Variants in MYL1 observed in about 807,000 individuals in gnomAD.
MYL1 encodes the protein myosin light chain 1/3, skeletal muscle isoform.
MYL1 carries 16 observed loss-of-function variants against 21.8 expected under a neutral mutation model. The ratio of observed to expected loss-of-function variants is 0.74; its 90% CI spans 0.50 to 1.12. MYL1 has a LOEUF of 1.12. MYL1 is among the 50% of genes most tolerant of loss of function. The pLI is 0.00. For synonymous variants in MYL1, 99 were observed against 85.2 expected (o/e 1.16, Z -0.89); for missense variants, 246 against 241.0 (o/e 1.02, Z -0.14).
rs1690112345 is a variant in MYL1, at chr2:210,293,448, C to CAAAGTTAGACAGTT, written c.556+274_556+275insAACTGTCTAACTTT. Among the ~76,000 whole-genome samples the CAAAGTTAGACAGTT allele has an allele frequency of 1.1e-4, 16 of 152,306 alleles. 1 individual carries two copies. In the South Asian group the frequency reaches 3.3e-3, roughly 32 times the overall value. Reference sequence around the variant, plus strand: ...ATTCTATTAAATTTGATTCTGACATCAGCCCTGTCTAACTCATAGGGATGT... The same window carrying CAAAGTTAGACAGTT: ...ATTCTATTAAATTTGATTCTGACATCAAAGTTAGACAGTTAGCCCTGTCTAACTCATAGGGATGT... On this transcript the variant is annotated intron_variant, in intron 5 of 6. Transcript: ENST00000352451.
At chr2:210,303,445 C>T in intron 1 of MYL1, 1 of 1,133,056 alleles carries the variant, frequency 8.8e-7, no homozygotes. Context: ...TATGTTCTCT[C>T]CTCAGTTCCA....
At chr2:210,314,011 A>G (rs1455958990) in intron 1 of MYL1, among the ~76,000 whole-genome samples, 1 of 152,128 alleles carries the variant, frequency 6.6e-6, no homozygotes, top group Non-Finnish European at 1.5e-5. Flanking sequence ...GCCAATCAGA[A>G]CTCAGTGAAT....
chr2:210,308,018 G>A (rs1320239350), intron 1 of MYL1, among the ~76,000 whole-genome samples: 1 of 151,906 alleles, frequency 6.6e-6, no homozygotes, highest in African/African-American at 2.4e-5. Context: ...GTCGAATACT[G>A]GGGGAAAATG....
In MYL1 at chr2:210,314,768, A is replaced by G. The variant is rs981117471; in HGVS notation, c.132+143T>C. Reference sequence around the variant, plus strand: ...TTATATGCTGGCATTCATTTTTTAAAGCAGGATTCTCTTCTTCATAATCTA... The same window carrying G: ...TTATATGCTGGCATTCATTTTTTAAGGCAGGATTCTCTTCTTCATAATCTA... On this transcript the variant is annotated intron_variant, in intron 1 of 6. Transcript: ENST00000352451. 4 of 934,772 alleles carry G rather than the reference A, an allele frequency of 4.3e-6. No homozygotes were observed. The African/African-American group carries it at 5.0e-5, about 12-fold the overall frequency. 57.9% of individuals were successfully genotyped at this position (934,772 alleles called of 1,614,324 possible). A position where few individuals can be genotyped will look rare whatever the true frequency, so the allele number is the denominator to read the frequency against.
intron 1 of MYL1, among the ~76,000 whole-genome samples, chr2:210,314,074 C>G (rs1005687019): frequency 3.3e-5 from 5 of 152,058 alleles, no homozygotes; most frequent in Non-Finnish European, 7.4e-5. Flanking sequence ...AACAGACGTA[C>G]CTATTTTTCC....
chr2:210,291,113 T>G, intron 5 of MYL1, 39 bp from the exon 6 acceptor site: 1 of 1,534,886 alleles, frequency 6.5e-7, no homozygotes, highest in Non-Finnish European at 9.0e-7. Flanking sequence ...AATTTAGAGT[T>G]AGGAAACAGT....
rs200963610 is a variant in MYL1, at chr2:210,314,416, A to C, written c.132+495T>G. ...TGAAGGGAGAATTAACTTGAATTGCAAAAAATCTTCTTTTTCAGAAGAAGG... is the reference window on the plus strand; with the variant it reads ...TGAAGGGAGAATTAACTTGAATTGCCAAAAATCTTCTTTTTCAGAAGAAGG... On this transcript the variant is annotated intron_variant, in intron 1 of 6. Transcript: ENST00000352451. 2.3e-4 allele frequency among the ~76,000 whole-genome samples: 35 copies of C among 152,310 alleles called. No individual in the cohort carries two copies. In the East Asian group the frequency reaches 4.3e-3, roughly 18 times the overall value.
intron 1 of MYL1, chr2:210,302,876 T>C: frequency 6.8e-7 from 1 of 1,473,118 alleles, no homozygotes; most frequent in Non-Finnish European, 9.2e-7. Flanking sequence ...CTGGTTGCTC[T>C]GAGATTTTTA....
intron 2 of MYL1, 34 bp downstream of exon 2, chr2:210,302,454 G>A: frequency 6.3e-7 from 1 of 1,593,438 alleles, no homozygotes; most frequent in Non-Finnish European, 8.5e-7. Context: ...CTTTATGAGT[G>A]TGCACATTTA....
chr2:210,298,497 C>G lies in MYL1; in HGVS notation c.227G>C (p.Gly76Ala), dbSNP rs1350412735. Residue 76 changes from glycine to alanine, a missense_variant, in exon 3 of 7, where the codon GGT (glycine) becomes GCT (alanine). Transcript: ENST00000352451. ...GDSKITLSQV[G>A]DVLRALGTNP... ...TGTGCCCAGAGCTCGAAGGACATCA[C>G]CGACCTGGCTTAAGGTGATCTTGGA... is the stretch of plus-strand genomic sequence containing the variant. 6.2e-7 allele frequency: 1 copy of G among 1,614,070 alleles called. No individual in the cohort carries two copies. The highest frequency in any genetic ancestry group is 1.7e-5 in the Admixed American group (1 of 59,994).
intron 1 of MYL1, among the ~76,000 whole-genome samples, chr2:210,313,637 C>T (rs761434519): frequency 2.7e-5 from 4 of 150,586 alleles, no homozygotes; most frequent in Non-Finnish European, 5.9e-5. Context: ...CTTCAAATAC[C>T]TACAAACTAA....
chr2:210,312,735 T>C (rs1428125350), intron 1 of MYL1, among the ~76,000 whole-genome samples: 1 of 151,934 alleles, frequency 6.6e-6, no homozygotes, highest in East Asian at 1.9e-4. Context: ...GTTATTTTTT[T>C]TCCTGTTTCT....
chr2:210,310,913 C>A (rs966996522), intron 1 of MYL1, among the ~76,000 whole-genome samples: 1 of 152,054 alleles, frequency 6.6e-6, no homozygotes, highest in Non-Finnish European at 1.5e-5. Context: ...ATGGTTAACA[C>A]AGTTGACTCT....
At chr2:210,294,933 T>C (rs1690149836) in intron 3 of MYL1, among the ~76,000 whole-genome samples, 1 of 152,170 alleles carries the variant, frequency 6.6e-6, no homozygotes, top group African/African-American at 2.4e-5. Context: ...CCCCAGCTTT[T>C]TGAGGGCCTT....
In MYL1 at chr2:210,314,925, G is replaced by A; in HGVS notation, c.118C>T (p.Leu40Phe). ...CATTTAGTTACCTTAATGGCAGAGA[G>A]GTCAATTTTTTCTTCTTTGGGTTTG... ...PAKPKEEKID[L>F]SAIKIEFSKE... The change falls in exon 1 of 7, where the codon CTC (leucine) becomes TTC (phenylalanine). Residue 40 changes from leucine (L) to phenylalanine (F), a missense_variant. Coordinates refer to ENST00000352451, the MANE Select transcript of MYL1 (RefSeq NM_079420.3). 1 of 1,613,916 alleles carries A rather than the reference G, an allele frequency of 6.2e-7. No homozygotes were observed. Among genetic ancestry groups the A allele is most frequent in the African/African-American group, 1.3e-5 (1 of 75,034 alleles).
At chr2:210,307,050 T>C (rs1184205449) in intron 1 of MYL1, among the ~76,000 whole-genome samples, 1 of 152,210 alleles carries the variant, frequency 6.6e-6, no homozygotes, top group Non-Finnish European at 1.5e-5. Flanking sequence ...TGCTTCTTTT[T>C]AGAAATTAAA....
intron 4 of MYL1, 98 bp from the exon 5 acceptor site, chr2:210,293,898 G>C: frequency 2.0e-6 from 2 of 1,014,062 alleles, no homozygotes; most frequent in Non-Finnish European, 3.0e-6. Context: ...CTAAACTCTT[G>C]ACATATAGGA....
intron 3 of MYL1, among the ~76,000 whole-genome samples, chr2:210,296,991 TTGTGTGTG>T (rs36073440): frequency 2.8e-5 from 4 of 143,230 alleles, no homozygotes; most frequent in Non-Finnish European, 4.5e-5. Flanking sequence ...TAGTATTCCA[TTGTGTGTG>T]TGTGTGTGTG....
At chr2:210,310,908 T>C (rs1468814683) in intron 1 of MYL1, among the ~76,000 whole-genome samples, 2 of 152,078 alleles carry the variant, frequency 1.3e-5, no homozygotes, top group Non-Finnish European at 2.9e-5. Context: ...TGGATATGGT[T>C]AACACAGTTG....
Sources: gnomAD v4.1 joint callset for allele counts (sites outside exome capture counted in the v4.1 genomes callset) on GRCh38, gnomAD v4.1.1 for gene constraint, MANE v1.5 for transcripts, NCBI Gene and HGNC (gene_info 2026-07-23, HGNC 2026-07-21) for gene names.